SRRM4: variants seen among roughly 807,000 people sequenced by gnomAD.
The protein encoded by SRRM4 is serine/arginine repetitive matrix protein 4.
SRRM4 carries 33 observed loss-of-function variants against 68.9 expected under a neutral mutation model. The ratio of observed to expected loss-of-function variants is 0.48; its 90% CI spans 0.36 to 0.64. The LOEUF (loss-of-function observed/expected upper bound fraction) is 0.64, where lower values mean the gene tolerates loss of function less well. Among genes scored for constraint, SRRM4 ranks in the 30% least tolerant of loss-of-function variants. The pLI, the probability that SRRM4 is intolerant of heterozygous loss-of-function variation, is 0.00. For missense variants in SRRM4, 817 were observed against 827.1 expected, an observed-to-expected ratio of 0.99 and a Z score of 0.15; for synonymous variants, 318 against 318.8, an observed-to-expected ratio of 1.00 and a Z score of 0.03.
chr12:119,005,481 G>A (rs527946642), intron 1 of SRRM4, among the ~76,000 whole-genome samples: 2 of 152,046 alleles, frequency 1.3e-5, no homozygotes, highest in Non-Finnish European at 2.9e-5. Flanking sequence ...TTTCTTAATC[G>A]CTCCCTAGGT....
intron 3 of SRRM4, 96 bp from the exon 4 acceptor site, chr12:119,116,841 C>T (rs1954182829): frequency 1.0e-6 from 1 of 980,284 alleles, no homozygotes. Context: ...CCTGCAAGAG[C>T]TAAAACCCTG....
chr12:119,019,963 A>AAAAT (rs1953505440), intron 1 of SRRM4, among the ~76,000 whole-genome samples: 1 of 80,938 alleles, frequency 1.2e-5, no homozygotes, highest in African/African-American at 4.6e-5. Context: ...CCCCCCCCCA[A>AAAAT]AAAAAAATCA....
chr12:119,022,205 A>T (rs1045144874), intron 1 of SRRM4, among the ~76,000 whole-genome samples: 3 of 152,034 alleles, frequency 2.0e-5, no homozygotes, highest in Admixed American at 6.5e-5. Flanking sequence ...AATAAAATTT[A>T]AAAAAAAGAA....
rs1565922633 is a variant in SRRM4 at position 119,160,295 on chromosome 12, C to CTCTG, written c.*3500_*3501insGTCT. 6.6e-5 allele frequency: 3 copies of CTCTG among 45,596 alleles called. No individual in the cohort carries two copies. Among genetic ancestry groups the CTCTG allele is most frequent in the African/African-American group, 3.4e-4 (3 of 8,778 alleles). The allele number at this position is 45,596 out of a possible 1,614,324, so 2.8% of individuals were successfully genotyped here. A position where few individuals can be genotyped will look rare whatever the true frequency, so the allele number is the denominator to read the frequency against. On this transcript the variant is annotated 3_prime_UTR_variant, in exon 13 of 13. Transcript: ENST00000267260. The stretch of plus-strand genomic sequence containing the variant: ...TCTCTCTGTCTCTCTCTCTGTCTCT[C>CTCTG]TCTCTCTCTCTCTCTCTCTCTCTCT...
chr12:119,124,245 G>A (rs1954242988), intron 6 of SRRM4: 1 of 152,176 alleles, frequency 6.6e-6, no homozygotes. Flanking sequence ...ACTGGGAAAT[G>A]TGTGAGCCAG....
chr12:119,018,033 C>A (rs1014980179), intron 1 of SRRM4, among the ~76,000 whole-genome samples: 5 of 152,086 alleles, frequency 3.3e-5, no homozygotes, highest in African/African-American at 1.2e-4. Flanking sequence ...AAAACAATGT[C>A]AATAAAAGGC....
chr12:119,001,182 C>T (rs1002461508), intron 1 of SRRM4: 3 of 152,202 alleles, frequency 2.0e-5, no homozygotes, highest in Non-Finnish European at 2.9e-5. Flanking sequence ...CAGGGACCCA[C>T]CCTTATGGCA....
chr12:119,122,726 G>A (rs976284010), intron 6 of SRRM4, among the ~76,000 whole-genome samples: 2 of 151,886 alleles, frequency 1.3e-5, no homozygotes, highest in African/African-American at 4.9e-5. Flanking sequence ...GTGTGTGTGC[G>A]CTGTGTAAGT....
chr12:119,117,085 C>A, intron 4 of SRRM4, 77 bp downstream of exon 4: 1 of 1,148,012 alleles, frequency 8.7e-7, no homozygotes, highest in Non-Finnish European at 1.3e-6. Context: ...AAAAGGTCAT[C>A]TGGAAGCATA....
At position 119,140,377 on chromosome 12, in the gene SRRM4, C is replaced by CAAA. The variant is rs368797079; in HGVS notation, c.772-4990_772-4988dup. ...TGGGCAACAGAGCGAGACTCTGTCT[C>CAAA]AAAAAAAAAAAAAAAATTATTGTTA... On this transcript the variant is annotated intron_variant, in intron 8 of 12. Coordinates refer to ENST00000267260, the MANE Select transcript of SRRM4 (RefSeq NM_194286.4). Among the ~76,000 whole-genome samples the CAAA allele has an allele frequency of 7.2e-3, 1,012 of 141,226 alleles. 17 individuals are homozygous for CAAA. The highest frequency in any genetic ancestry group is 0.024 in the African/African-American group (926 of 38,126). 92.6% of individuals were successfully genotyped at this position (141,226 alleles called of 152,430 possible).
At chr12:119,112,054 G>GA (rs568764971) in intron 2 of SRRM4, among the ~76,000 whole-genome samples, 63 of 139,580 alleles carry the variant, frequency 4.5e-4, no homozygotes, top group African/African-American at 6.8e-4. Context: ...TCAAAAAAAA[G>GA]AAAAAAAAAA....
chr12:119,156,736 C>T lies in SRRM4; in HGVS notation c.1774C>T (p.Arg592Trp), dbSNP rs547801838. Residue 592 changes from arginine to tryptophan, a missense_variant, in exon 13 of 13, where the codon CGG becomes TGG. Coordinates refer to ENST00000267260, the MANE Select transcript of SRRM4 (RefSeq NM_194286.4). ...RSRSRSRSRSRSRSQSRSYSS... is the reference protein window; with the variant it reads ...RSRSRSRSRSWSRSQSRSYSS... The stretch of plus-strand genomic sequence containing the variant: ...CCGGAGCAGGAGCCGGAGCCGGAGC[C>T]GGAGCAGGAGCCAGAGCCGGAGCTA... 60 of 1,546,634 alleles carry T rather than the reference C, an allele frequency of 3.9e-5. No homozygotes were observed. The South Asian group carries it at 6.7e-4, about 17-fold the overall frequency.
intron 1 of SRRM4, among the ~76,000 whole-genome samples, chr12:119,006,891 C>T (rs908699109): frequency 2.6e-5 from 4 of 152,160 alleles, no homozygotes; most frequent in Non-Finnish European, 5.9e-5. Flanking sequence ...GGCTGGAGAC[C>T]GAGGCCAAGG....
At chr12:118,985,803 T>G (rs1953278632) in intron 1 of SRRM4, among the ~76,000 whole-genome samples, 1 of 152,210 alleles carries the variant, frequency 6.6e-6, no homozygotes, top group African/African-American at 2.4e-5. Flanking sequence ...CAAGCCACAA[T>G]ATGATTTCAT....
rs4767759 is a variant in SRRM4, at chr12:119,029,383, G to T, written c.131+47370G>T. 2.0e-5 allele frequency among the ~76,000 whole-genome samples: 3 copies of T among 152,030 alleles called. No individual in the cohort carries two copies. The South Asian group carries it at 6.2e-4, about 31-fold the overall frequency. Reference sequence around the variant, plus strand: ...AAACAGAGGAGAGAAGTTTTGTGCCGTGTGATTGCCAAGATAAGAATTTGG... The same window carrying T: ...AAACAGAGGAGAGAAGTTTTGTGCCTTGTGATTGCCAAGATAAGAATTTGG... On this transcript the variant is annotated intron_variant, in intron 1 of 12. Coordinates refer to ENST00000267260, the MANE Select transcript of SRRM4 (RefSeq NM_194286.4).
In SRRM4 at chr12:119,129,281, C is replaced by T. The variant is rs956976688; in HGVS notation, c.615-1397C>T. On this transcript the variant is annotated intron_variant, in intron 7 of 12. Transcript: ENST00000267260. The stretch of plus-strand genomic sequence containing the variant: ...AATCCATAATGTGCTATTTTTATTA[C>T]TTTGGTGGCTCAGATAACTAATAAG... Among the ~76,000 whole-genome samples, 4 of 152,282 alleles carry T rather than the reference C, an allele frequency of 2.6e-5. No homozygotes were observed. In the South Asian group the frequency reaches 6.2e-4, roughly 24 times the overall value.
At chr12:118,987,854 C>T (rs1013821579) in intron 1 of SRRM4, among the ~76,000 whole-genome samples, 11 of 152,226 alleles carry the variant, frequency 7.2e-5, no homozygotes, top group Non-Finnish European at 1.2e-4. Flanking sequence ...GTAGACACAA[C>T]ATAAGTACAT....
chr12:119,154,458 C>A lies in SRRM4; in HGVS notation c.1532+75C>A. The A allele has an allele frequency of 6.5e-7, 1 of 1,545,452 alleles. No individual in the cohort carries two copies. The stretch of plus-strand genomic sequence containing the variant: ...CATTCTTACTCATTCGAGCCTCAGG[C>A]TCTCCCTAGGCCTCCTTGGGGCTGG... On this transcript the variant is annotated intron_variant, in intron 12 of 12. Transcript: ENST00000267260. The surrounding 1 kb of genome is among the most constrained non-coding windows in gnomAD (Gnocchi z 4.7).
At chr12:119,118,317 A>G (rs1421485623) in intron 4 of SRRM4, among the ~76,000 whole-genome samples, 2 of 152,246 alleles carry the variant, frequency 1.3e-5, no homozygotes, top group African/African-American at 4.8e-5. Flanking sequence ...TCCTACATCA[A>G]TTGTAGATTA....
Sources: allele counts gnomAD v4.1 joint callset (sites outside exome capture counted in the v4.1 genomes callset), GRCh38; gene constraint gnomAD v4.1.1; non-coding constraint Gnocchi (gnomAD v3.1); transcripts MANE v1.5; gene names NCBI Gene and HGNC (gene_info 2026-07-23, HGNC 2026-07-21).